TSPAN14: variants seen among roughly 807,000 people sequenced by gnomAD.
The protein encoded by TSPAN14 is tetraspanin 14.
A neutral mutation model predicts 36.6 loss-of-function variants in TSPAN14; 16 were observed. The ratio of observed to expected loss-of-function variants is 0.44; its 90% CI spans 0.30 to 0.66. The LOEUF (loss-of-function observed/expected upper bound fraction) is 0.66. TSPAN14 is among the 30% of genes least tolerant of loss of function. The pLI, the probability that TSPAN14 is intolerant of heterozygous loss-of-function variation, is 0.12. For missense variants in TSPAN14, 231 were observed against 355.1 expected, an observed-to-expected ratio of 0.65 and a Z score of 2.81; for synonymous variants, 139 against 143.8, an observed-to-expected ratio of 0.97 and a Z score of 0.24.
intron 1 of TSPAN14, among the ~76,000 whole-genome samples, chr10:80,474,785 G>A (rs545087955): frequency 6.6e-6 from 1 of 152,174 alleles, no homozygotes; most frequent in Non-Finnish European, 1.5e-5. Flanking sequence ...CCAAATCTCA[G>A]TTCACTTTTC....
At chr10:80,476,702 T>C (rs1415968342) in intron 1 of TSPAN14, among the ~76,000 whole-genome samples, 1 of 152,134 alleles carries the variant, frequency 6.6e-6, no homozygotes, top group Non-Finnish European at 1.5e-5. Context: ...GGAGTTTTAC[T>C]GTATTTTTTA....
intron 2 of TSPAN14, among the ~76,000 whole-genome samples, chr10:80,497,291 C>G (rs1051974474): frequency 1.4e-4 from 22 of 152,284 alleles, no homozygotes; most frequent in Middle Eastern, 3.4e-3. Context: ...AGGATGACAT[C>G]CCATCTTTCC....
chr10:80,477,006 A>G (rs986271892), intron 1 of TSPAN14, among the ~76,000 whole-genome samples: 22 of 152,222 alleles, frequency 1.4e-4, no homozygotes, highest in Non-Finnish European at 2.5e-4. Context: ...GTTTCTTGCT[A>G]CATGTAGAAC....
intron 2 of TSPAN14, among the ~76,000 whole-genome samples, chr10:80,504,124 A>G (rs998915069): frequency 2.5e-4 from 38 of 152,368 alleles, no homozygotes; most frequent in African/African-American, 7.9e-4. Flanking sequence ...TTTCCTGAGC[A>G]TAGATGCGCC....
chr10:80,511,749 TCTCTCTCTCTCTC>T (rs1564745200), intron 5 of TSPAN14, among the ~76,000 whole-genome samples: 157 of 143,182 alleles, frequency 1.1e-3, no homozygotes, highest in Non-Finnish European at 1.8e-3. Flanking sequence ...TCTCTCTCTC[TCTCTCTCTCTCTC>T]TCTCTCTCTC....
At chr10:80,459,058 G>A (rs765890773) in intron 1 of TSPAN14, among the ~76,000 whole-genome samples, 3 of 151,948 alleles carry the variant, frequency 2.0e-5, no homozygotes, top group Non-Finnish European at 4.4e-5. Flanking sequence ...TCTGTCTCAC[G>A]GGGTTGCAGT....
In TSPAN14 at chr10:80,512,281, T is replaced by C; in HGVS notation, c.576+12T>C. 6.2e-7 allele frequency: 1 copy of C among 1,613,360 alleles called. No homozygotes were observed. The highest frequency in any genetic ancestry group is 8.5e-7 in the Non-Finnish European group (1 of 1,179,966). On this transcript the variant is annotated intron_variant, in intron 6 of 8. Coordinates refer to ENST00000429989, the Ensembl canonical transcript of TSPAN14. ...TGCCAGATCCTGCGGTGAGTTGGCT[T>C]GTGCTGGGGCACAGGGAGCCCGCCC...
chr10:80,482,033 G>C (rs752895666), intron 1 of TSPAN14, among the ~76,000 whole-genome samples: 1 of 152,038 alleles, frequency 6.6e-6, no homozygotes, highest in African/African-American at 2.4e-5. Flanking sequence ...GATTACAGGC[G>C]TGAGCCACTG....
chr10:80,478,336 T>C (rs1178776845), intron 1 of TSPAN14, among the ~76,000 whole-genome samples: 3 of 151,888 alleles, frequency 2.0e-5, no homozygotes, highest in Non-Finnish European at 4.4e-5. Context: ...AGATGAATAA[T>C]AAATAAGGCA....
At chr10:80,520,835 A>C (rs557096486) in exon 9 of TSPAN14, 1 of 533,060 alleles carries the variant, frequency 1.9e-6, no homozygotes, top group African/African-American at 1.9e-5. Flanking sequence ...AGCACCAGAC[A>C]CTGCACCTCC....
intron 1 of TSPAN14, among the ~76,000 whole-genome samples, chr10:80,472,172 A>G (rs1846589579): frequency 6.6e-6 from 1 of 151,840 alleles, no homozygotes; most frequent in Admixed American, 6.6e-5. Context: ...AATGGGGCCC[A>G]AGGCCTGAAT....
At chr10:80,519,770 C>T (rs1420138556) in exon 9 of TSPAN14, 1 of 151,850 alleles carries the variant, frequency 6.6e-6, no homozygotes, top group Non-Finnish European at 1.5e-5. Context: ...AGTCCATCAT[C>T]AGCACAATCT....
intron 2 of TSPAN14, among the ~76,000 whole-genome samples, chr10:80,501,771 T>G (rs1848536591): frequency 6.6e-6 from 1 of 152,160 alleles, no homozygotes; most frequent in Non-Finnish European, 1.5e-5. Context: ...TCTGAATGCC[T>G]TTGGATTGAA....
chr10:80,480,134 C>A (rs1847169188), intron 1 of TSPAN14, among the ~76,000 whole-genome samples: 1 of 151,284 alleles, frequency 6.6e-6, no homozygotes, highest in East Asian at 1.9e-4. Context: ...GATTTTTGTA[C>A]ATTGATTTTG....
chr10:80,518,834 G>A, exon 9 of TSPAN14: 1 of 153,088 alleles, frequency 6.5e-6, no homozygotes. Context: ...TCTCCTCTGA[G>A]CAGCCTTAGA....
At chr10:80,510,276 G>A (rs882682) in intron 5 of TSPAN14, among the ~76,000 whole-genome samples, 66,292 of 152,120 alleles carry the variant, frequency 0.44, 15,282 homozygotes, top group East Asian at 0.83. Context: ...AAAAATCTAT[G>A]ATTCACTCTC....
chr10:80,509,288 C>T lies in TSPAN14; in HGVS notation c.280-13C>T, dbSNP rs1320372798. The T allele has an allele frequency of 6.2e-7, 1 of 1,611,958 alleles. No homozygotes were observed. Among genetic ancestry groups the T allele is most frequent in the Non-Finnish European group, 8.5e-7 (1 of 1,179,098 alleles). On this transcript the variant is annotated splice_polypyrimidine_tract_variant and intron_variant, in intron 4 of 8. Transcript: ENST00000429989. The surrounding 1 kb of genome is among the most constrained non-coding windows in gnomAD (Gnocchi z 4.7). ...GGGGTGGTGACTTCTGCTCCCGTCCCCTTCCCCTGCAGTTCTGTGGCACCA... is the reference window on the plus strand; with the variant it reads ...GGGGTGGTGACTTCTGCTCCCGTCCTCTTCCCCTGCAGTTCTGTGGCACCA...
chr10:80,499,928 T>C (rs1183575542), intron 2 of TSPAN14, among the ~76,000 whole-genome samples: 2 of 152,068 alleles, frequency 1.3e-5, no homozygotes, highest in Non-Finnish European at 2.9e-5. Flanking sequence ...AGAAGGTCAC[T>C]TGAGGCTGGA....
chr10:80,514,156 G>T, intron 7 of TSPAN14, 93 bp downstream of exon 7: 1 of 1,251,200 alleles, frequency 8.0e-7, no homozygotes, highest in South Asian at 1.3e-5. Context: ...AAATTGAAGT[G>T]GGAAAACTCA....
Sources: gnomAD v4.1 joint callset for allele counts (sites outside exome capture counted in the v4.1 genomes callset) on GRCh38, gnomAD v4.1.1 for gene constraint, Gnocchi (gnomAD v3.1) non-coding constraint, MANE v1.5 for transcripts, NCBI Gene and HGNC (gene_info 2026-07-23, HGNC 2026-07-21) for gene names.